Variants in RARG observed in about 807,000 individuals in gnomAD.
RARG encodes the protein retinoic acid receptor gamma, also known as RAR-gamma.
RARG carries 17 observed loss-of-function variants against 43.7 expected under a neutral mutation model. The ratio of observed to expected loss-of-function variants is 0.39; its 90% CI spans 0.27 to 0.58. The LOEUF is 0.58. RARG is among the 20% of genes least tolerant of loss of function. The pLI, the probability that RARG is intolerant of heterozygous loss-of-function variation, is 0.57. For missense variants in RARG, 346 were observed against 598.7 expected (o/e 0.58, Z 4.40); for synonymous variants, 238 against 236.4 (o/e 1.01, Z -0.06).
chr12:53,212,016 A>T (rs1344546800), intron 9 of RARG, among the ~76,000 whole-genome samples, 153 bp from the exon 10 acceptor site: 1 of 152,090 alleles, frequency 6.6e-6, no homozygotes, highest in Non-Finnish European at 1.5e-5. Context: ...TCCTCTTCTC[A>T]CTAGGCTTCC....
intron 2 of RARG, chr12:53,229,828 T>C: frequency 1.7e-6 from 1 of 593,800 alleles, no homozygotes; most frequent in Non-Finnish European, 2.1e-6. Context: ...TCCTTGTCTT[T>C]GCTTCTCACC....
Position 53,213,535 on chromosome 12 carries a change from CG to C in RARG, c.978del (p.Glu327ArgfsTer35). ...GQLLPLEMDD[T>X]ETGLLSAICL... The stretch of plus-strand genomic sequence containing the variant: ...CAGATGGCGCTGAGCAGCCCTGTCT[CG>C]GTGTCATCCATCTCCAGGGGCAGGA... On this transcript the variant is annotated frameshift_variant, in exon 8 of 10. Transcript: ENST00000425354. LOFTEE classifies it high-confidence loss of function. The surrounding 1 kb of genome is among the most constrained non-coding windows in gnomAD (Gnocchi z 4.7). 6.2e-7 allele frequency: 1 copy of C among 1,614,018 alleles called. No individual in the cohort carries two copies. The highest frequency in any genetic ancestry group is 8.5e-7 in the Non-Finnish European group (1 of 1,180,028).
chr12:53,221,677 A>G (rs1026101161), intron 3 of RARG, among the ~76,000 whole-genome samples: 3 of 149,896 alleles, frequency 2.0e-5, no homozygotes, highest in Non-Finnish European at 4.5e-5. Context: ...GCAGGGCCGA[A>G]TGGGGGGACC....
chr12:53,212,485 T>C (rs1354095679), intron 9 of RARG, among the ~76,000 whole-genome samples: 1 of 152,204 alleles, frequency 6.6e-6, no homozygotes, highest in South Asian at 2.1e-4. Context: ...CAGGCTGGAC[T>C]GCAGTGGCTA....
intron 1 of RARG, chr12:53,231,642 G>A (rs1053616386): frequency 2.6e-5 from 4 of 156,448 alleles, no homozygotes; most frequent in East Asian, 1.9e-4. Flanking sequence ...CCCGCGAGAG[G>A]AAACCCTGTC....
chr12:53,220,830 T>C (rs961677880), intron 3 of RARG, among the ~76,000 whole-genome samples: 2 of 152,140 alleles, frequency 1.3e-5, no homozygotes, highest in Non-Finnish European at 2.9e-5. Flanking sequence ...TAAGGATGAC[T>C]GGGGAGAGGG....
chr12:53,221,630 CG>C (rs1433845914), intron 3 of RARG, among the ~76,000 whole-genome samples: 1 of 152,114 alleles, frequency 6.6e-6, no homozygotes, highest in Non-Finnish European at 1.5e-5. Context: ...GTGAGGTGGG[CG>C]GGGGGCTGGC....
In RARG at chr12:53,215,269, C is replaced by A; in HGVS notation, c.475+24G>T. 1 of 1,612,106 alleles carries A rather than the reference C, an allele frequency of 6.2e-7. No individual in the cohort carries two copies. Among genetic ancestry groups the A allele is most frequent in the Non-Finnish European group, 8.5e-7 (1 of 1,178,898 alleles). On this transcript the variant is annotated intron_variant, in intron 5 of 9. Transcript: ENST00000425354. This position sits in a 1 kb window ranked among gnomAD's most constrained non-coding sequence, Gnocchi z 6.4. ...ATAGGGTAGGACCGAAGTGCTCCTG[C>A]CCAAGCCAAGGATGGCAGCCTACCT... is the stretch of plus-strand genomic sequence containing the variant.
intron 3 of RARG, among the ~76,000 whole-genome samples, chr12:53,221,318 C>G (rs1256155150): frequency 6.6e-6 from 1 of 152,106 alleles, no homozygotes; most frequent in Non-Finnish European, 1.5e-5. Context: ...GCTCCTTCTT[C>G]GAACATAACT....
In RARG at chr12:53,227,398, C is replaced by A; in HGVS notation, c.148G>T (p.Gly50Cys). Residue 50 changes from glycine to cysteine, a missense_variant, in exon 3 of 10, where the codon GGC (glycine) becomes TGC (cysteine). By Grantham distance (159) the Gly-to-Cys change is radical. This residue lies in a region of RARG where 90 missense variants were observed against 93.2 expected (regional missense o/e 0.97). Transcript: ENST00000425354. The surrounding 1 kb of genome is among the most constrained non-coding windows in gnomAD (Gnocchi z 4.3). The part of the protein sequence containing the change: ...EMLSPSFRGL[G>C]QPDLPKEMAS... The stretch of plus-strand genomic sequence containing the variant: ...ATCTCCTTGGGGAGGTCAGGCTGGC[C>A]CAGGCCCCGGAAGCTAGGGCTCAGC... 6.3e-7 allele frequency: 1 copy of A among 1,599,156 alleles called. No homozygotes were observed. Among genetic ancestry groups the A allele is most frequent in the Non-Finnish European group, 8.5e-7 (1 of 1,173,124 alleles).
intron 9 of RARG, among the ~76,000 whole-genome samples, chr12:53,212,175 C>A (rs1204657652): frequency 1.3e-5 from 2 of 152,216 alleles, no homozygotes; most frequent in Non-Finnish European, 1.5e-5. Flanking sequence ...TCTCGAATGT[C>A]CAGAGCTTGT....
At chr12:53,218,819 C>T (rs1185587784) in intron 3 of RARG, among the ~76,000 whole-genome samples, 1 of 151,742 alleles carries the variant, frequency 6.6e-6, no homozygotes, top group African/African-American at 2.4e-5. Flanking sequence ...CCCCTTCCCA[C>T]CCTTCCCAGC....
chr12:53,222,935 C>T (rs1943012166), intron 3 of RARG, among the ~76,000 whole-genome samples: 1 of 152,178 alleles, frequency 6.6e-6, no homozygotes, highest in Non-Finnish European at 1.5e-5. Flanking sequence ...GACTCACCCC[C>T]TTCCCTATGA....
Position 53,211,742 on chromosome 12 carries a change from G to A in RARG, c.1299C>T (p.Pro433=), listed in dbSNP as rs778918839. ...GAACCTCATCCTCGCTAGAGGCATT[G>A]GGGTGGGGACCAGGCTGCGAGGAGT... The part of the protein sequence containing the change: ...EDDSSQPGPH[P]NASSEDEVPG... Residue 433 remains proline, a synonymous_variant, in exon 10 of 10, where the codon CCC becomes CCT. Transcript: ENST00000425354. This position sits in a 1 kb window ranked among gnomAD's most constrained non-coding sequence, Gnocchi z 4.6. 11 of 1,569,206 alleles carry A rather than the reference G, an allele frequency of 7.0e-6. No individual in the cohort carries two copies. In the African/African-American group the frequency reaches 1.5e-4, roughly 22 times the overall value.
At chr12:53,212,744 A>C (rs1010603791) in intron 9 of RARG, among the ~76,000 whole-genome samples, 3 of 146,628 alleles carry the variant, frequency 2.0e-5, no homozygotes, top group Admixed American at 1.3e-4. Flanking sequence ...ATATACACAC[A>C]CACACACACA....
At position 53,214,051 on chromosome 12, in the gene RARG, T is replaced by C. The variant is rs763375540; in HGVS notation, c.813+8A>G. 4.2e-5 allele frequency: 68 copies of C among 1,603,636 alleles called. No individual in the cohort carries two copies. Among genetic ancestry groups the C allele is most frequent in the Non-Finnish European group, 5.4e-5 (63 of 1,175,932 alleles). On this transcript the variant is annotated splice_region_variant and intron_variant, in intron 7 of 9. Transcript: ENST00000425354. ...GGGCTGTGGCAGGACCCACAGGGCC[T>C]AACTTACCAGGATATCTAGGCAGGC...
At chr12:53,214,393 A>G in intron 6 of RARG, 53 bp downstream of exon 6, 3 of 1,589,008 alleles carry the variant, frequency 1.9e-6, no homozygotes, top group Non-Finnish European at 2.6e-6. Context: ...ACCCAGCCCC[A>G]TTCCCCAAAG....
chr12:53,212,727 AATATAT>A (rs775006726), intron 9 of RARG, among the ~76,000 whole-genome samples: 1,847 of 144,764 alleles, frequency 0.013, 45 homozygotes, highest in East Asian at 0.085. Context: ...TTTGTCTCTA[AATATAT>A]ATATACACAC....
chr12:53,219,468 T>C (rs753506332), intron 3 of RARG, among the ~76,000 whole-genome samples: 1 of 152,222 alleles, frequency 6.6e-6, no homozygotes, highest in African/African-American at 2.4e-5. Flanking sequence ...CATGTGGACC[T>C]GGCAGCTGTC....
Sources: allele counts gnomAD v4.1 joint callset (sites outside exome capture counted in the v4.1 genomes callset), GRCh38; gene constraint gnomAD v4.1.1; regional missense constraint gnomAD v4.1.1; non-coding constraint Gnocchi (gnomAD v3.1); transcripts MANE v1.5; gene names NCBI Gene and HGNC (gene_info 2026-07-23, HGNC 2026-07-21).